ABTB2: variants seen among roughly 807,000 people sequenced by gnomAD.
ABTB2 encodes the protein ankyrin repeat and BTB domain containing 2.
ABTB2 carries 56 observed loss-of-function variants against 104.1 expected under a neutral mutation model. The observed-to-expected ratio is 0.54, with a 90% CI of 0.43 to 0.67. The LOEUF (loss-of-function observed/expected upper bound fraction) is 0.67, where lower values mean the gene tolerates loss of function less well. Ranked by LOEUF, ABTB2 falls within the 30% of genes least tolerant of loss-of-function variation. The pLI, the probability that ABTB2 is intolerant of heterozygous loss-of-function variation, is 0.00. For missense variants in ABTB2, 1,279 were observed against 1,407.7 expected (o/e 0.91, Z 1.46); for synonymous variants, 606 against 608.2 (o/e 1.00, Z 0.05).
chr11:34,295,375 G>A (rs1158508571), intron 1 of ABTB2, among the ~76,000 whole-genome samples: 2 of 152,146 alleles, frequency 1.3e-5, no homozygotes, highest in Non-Finnish European at 2.9e-5. Flanking sequence ...GGCTGACAGG[G>A]TATATGGAGA....
chr11:34,213,434 C>A (rs370614722), intron 1 of ABTB2, among the ~76,000 whole-genome samples: 4 of 152,130 alleles, frequency 2.6e-5, no homozygotes, highest in Non-Finnish European at 5.9e-5. Flanking sequence ...GAGCCGAGAT[C>A]GCTGCCACTG....
At position 34,356,927 on chromosome 11, in the gene ABTB2, G is replaced by A; in HGVS notation, c.657C>T (p.Ile219=). 6.2e-7 allele frequency: 1 copy of A among 1,601,900 alleles called. No homozygotes were observed. The highest frequency in any genetic ancestry group is 8.5e-7 in the Non-Finnish European group (1 of 1,174,514). ...CTGCGTACTCGTGGATGCGCACGGA[G>A]ATTCGGGTGTCCACCATCCAGCGGA... The part of the protein sequence containing the change: ...RFFRWMVDTR[I]SVRIHEYAAI... Residue 219 remains isoleucine (I), a synonymous_variant, in exon 1 of 17, where the codon ATC becomes ATT. Coordinates refer to ENST00000435224, the MANE Select transcript of ABTB2 (RefSeq NM_145804.3). This position sits in a 1 kb window ranked among gnomAD's most constrained non-coding sequence, Gnocchi z 4.6.
chr11:34,238,899 G>A lies in ABTB2; in HGVS notation c.884-34209C>T, dbSNP rs184266211. Among the ~76,000 whole-genome samples, 742 of 152,078 alleles carry A rather than the reference G, an allele frequency of 4.9e-3. 5 individuals carry two copies. Among genetic ancestry groups the A allele is most frequent in the Non-Finnish European group, 6.6e-3 (447 of 67,984 alleles). ...CTCCTGAGTAGCTGGGACTACAGGC[G>A]CGTGCCACCACACCTGGCTGAATTT... On this transcript the variant is annotated intron_variant, in intron 1 of 16. Transcript: ENST00000435224.
Position 34,194,671 on chromosome 11 carries a change from T to C in ABTB2, c.1244+2654A>G, listed in dbSNP as rs149534053. 2.3e-3 allele frequency among the ~76,000 whole-genome samples: 354 copies of C among 151,976 alleles called. 1 individual carries two copies. Among genetic ancestry groups the C allele is most frequent in the African/African-American group, 7.9e-3 (327 of 41,278 alleles). On this transcript the variant is annotated intron_variant, in intron 3 of 16. Transcript: ENST00000435224. Reference sequence around the variant, plus strand: ...TGTCAGTGAGCCAGAGGGCAGCAGATCTGCTCAGCGACAGGAGCCAGGCCA... The same window carrying C: ...TGTCAGTGAGCCAGAGGGCAGCAGACCTGCTCAGCGACAGGAGCCAGGCCA...
At chr11:34,346,695 A>G (rs916494696) in intron 1 of ABTB2, among the ~76,000 whole-genome samples, 1 of 152,156 alleles carries the variant, frequency 6.6e-6, no homozygotes, top group African/African-American at 2.4e-5. Flanking sequence ...TGGGGAATCT[A>G]GTCTGACCTC....
chr11:34,174,712 T>C (rs1852939178), intron 3 of ABTB2, among the ~76,000 whole-genome samples: 1 of 152,274 alleles, frequency 6.6e-6, no homozygotes, highest in Admixed American at 6.5e-5. Flanking sequence ...GGGGCCCGGA[T>C]GGCAGCCTGT....
At chr11:34,278,495 A>G (rs1049646147) in intron 1 of ABTB2, among the ~76,000 whole-genome samples, 2 of 152,304 alleles carry the variant, frequency 1.3e-5, no homozygotes, top group East Asian at 1.9e-4. Context: ...TCTGAGAACC[A>G]CTTTGGGGAT....
chr11:34,293,101 T>C (rs1449990735), intron 1 of ABTB2, among the ~76,000 whole-genome samples: 3 of 152,056 alleles, frequency 2.0e-5, no homozygotes, highest in Non-Finnish European at 4.4e-5. Flanking sequence ...AAACAGTGTT[T>C]TTTGAGGGCA....
chr11:34,247,854 AC>A lies in ABTB2; in HGVS notation c.884-43165del, dbSNP rs572425791. Among the ~76,000 whole-genome samples the A allele has an allele frequency of 7.9e-5, 12 of 152,330 alleles. No individual in the cohort carries two copies. In the South Asian group the frequency reaches 2.5e-3, roughly 32 times the overall value. ...CTCTATGAGAAAAGTAATTATCGGCACCATTTTGTACATGAGGAAATCGGTT... is the reference window on the plus strand; with the variant it reads ...CTCTATGAGAAAAGTAATTATCGGCACATTTTGTACATGAGGAAATCGGTT... On this transcript the variant is annotated intron_variant, in intron 1 of 16. Transcript: ENST00000435224.
At chr11:34,243,100 T>C (rs1329188394) in intron 1 of ABTB2, among the ~76,000 whole-genome samples, 1 of 152,148 alleles carries the variant, frequency 6.6e-6, no homozygotes, top group Non-Finnish European at 1.5e-5. Flanking sequence ...TGGAACTTTC[T>C]ACCTTCCAAA....
chr11:34,308,635 C>T (rs1018877476), intron 1 of ABTB2, among the ~76,000 whole-genome samples: 10 of 151,838 alleles, frequency 6.6e-5, no homozygotes, highest in Non-Finnish European at 8.8e-5. Context: ...TTTGAGAAGC[C>T]GAGGCGGGTG....
At chr11:34,229,264 C>T (rs80207182) in intron 1 of ABTB2, among the ~76,000 whole-genome samples, 17 of 151,366 alleles carry the variant, frequency 1.1e-4, no homozygotes, top group Non-Finnish European at 1.3e-4. Flanking sequence ...GGGCGGATCA[C>T]AAAGTCAGGA....
At position 34,154,710 on chromosome 11, in the gene ABTB2, G is replaced by A. The variant is rs760974466; in HGVS notation, c.2757C>T (p.Asp919=). The A allele has an allele frequency of 1.2e-6, 2 of 1,614,194 alleles. No individual in the cohort carries two copies. Among genetic ancestry groups the A allele is most frequent in the South Asian group, 1.1e-5 (1 of 91,084 alleles). The change falls in exon 15 of 17, where the codon GAC becomes GAT. Residue 919 remains aspartate (D), a synonymous_variant. Coordinates refer to ENST00000435224, the MANE Select transcript of ABTB2 (RefSeq NM_145804.3). The surrounding 1 kb of genome is among the most constrained non-coding windows in gnomAD (Gnocchi z 4.9). ...CTCTCCCGAGTCTCACCTCCAGGATGTCAGTGGTGGGGATCTCCATGGATT... is the reference window on the plus strand; with the variant it reads ...CTCTCCCGAGTCTCACCTCCAGGATATCAGTGGTGGGGATCTCCATGGATT... ...GTESMEIPTT[D]ILELLSAASL... is the part of the protein sequence containing the mutation.
At chr11:34,221,375 TCA>T (rs759912037) in intron 1 of ABTB2, among the ~76,000 whole-genome samples, 1 of 152,214 alleles carries the variant, frequency 6.6e-6, no homozygotes, top group Non-Finnish European at 1.5e-5. Flanking sequence ...CCAAATACAG[TCA>T]CACTCTCAGG....
chr11:34,270,441 A>T (rs1427342633), intron 1 of ABTB2, among the ~76,000 whole-genome samples: 1 of 151,770 alleles, frequency 6.6e-6, no homozygotes, highest in East Asian at 1.9e-4. Context: ...CTGGGTTCAA[A>T]CTATTCTCCT....
At chr11:34,171,199 T>C (rs1852869908) in intron 4 of ABTB2, 128 bp from the exon 5 acceptor site, 4 of 985,282 alleles carry the variant, frequency 4.1e-6, no homozygotes, top group South Asian at 3.3e-5. Context: ...CAGGGAGTTA[T>C]GATCAGATCA....
chr11:34,180,444 T>C (rs1200605328), intron 3 of ABTB2, among the ~76,000 whole-genome samples: 1 of 152,214 alleles, frequency 6.6e-6, no homozygotes, highest in Non-Finnish European at 1.5e-5. Context: ...TGTCCTCAAA[T>C]GCTGCAAACA....
At chr11:34,351,067 G>A (rs1313674292) in intron 1 of ABTB2, among the ~76,000 whole-genome samples, 1 of 152,232 alleles carries the variant, frequency 6.6e-6, no homozygotes, top group African/African-American at 2.4e-5. Flanking sequence ...CCACTGACCT[G>A]TCGGACAAAG....
chr11:34,268,612 C>A lies in ABTB2; in HGVS notation c.884-63922G>T, dbSNP rs570709072. Among the ~76,000 whole-genome samples the A allele has an allele frequency of 5.9e-5, 9 of 152,336 alleles. No individual in the cohort carries two copies. The South Asian group carries it at 6.2e-4, about 11-fold the overall frequency. On this transcript the variant is annotated intron_variant, in intron 1 of 16. Coordinates refer to ENST00000435224, the MANE Select transcript of ABTB2 (RefSeq NM_145804.3). ...CACCGGCAGGGTGGGCCAGCCACTG[C>A]GTGAGTTTCCTGGGGCTTCTGTAAC...
Sources: allele counts gnomAD v4.1 joint callset (sites outside exome capture counted in the v4.1 genomes callset), GRCh38; gene constraint gnomAD v4.1.1; non-coding constraint Gnocchi (gnomAD v3.1); transcripts MANE v1.5; gene names NCBI Gene and HGNC (gene_info 2026-07-23, HGNC 2026-07-21).